Variants in POU2F2 observed in about 807,000 individuals in gnomAD.
The protein encoded by POU2F2 is POU domain, class 2, transcription factor 2.
In POU2F2, 14 loss-of-function variants were observed where a neutral mutation model predicts 63.5. The observed-to-expected ratio is 0.22, with a 90% CI of 0.15 to 0.34. The LOEUF (loss-of-function observed/expected upper bound fraction) is 0.34. Ranked by LOEUF, POU2F2 falls within the 10% of genes least tolerant of loss-of-function variation. The pLI, the probability that POU2F2 is intolerant of heterozygous loss-of-function variation, is 1.00. For synonymous variants in POU2F2, 306 were observed against 348.6 expected (o/e 0.88, Z 1.36); for missense variants, 607 against 815.2 (o/e 0.74, Z 3.11).
At chr19:42,124,497 T>C (rs1286378318) in intron 1 of POU2F2, among the ~76,000 whole-genome samples, 1 of 151,996 alleles carries the variant, frequency 6.6e-6, no homozygotes, top group African/African-American at 2.4e-5. Context: ...GGAGTGTAAA[T>C]TGATACAAGC....
At chr19:42,188,063 AT>A (rs1461421163) in intron 1 of POU2F2, among the ~76,000 whole-genome samples, 2 of 152,042 alleles carry the variant, frequency 1.3e-5, no homozygotes, top group African/African-American at 4.8e-5. Context: ...TACTTCTGAG[AT>A]TAGGTTATAA....
At chr19:42,148,565 G>C (rs1306726221) in intron 2 of POU2F2, among the ~76,000 whole-genome samples, 1 of 152,084 alleles carries the variant, frequency 6.6e-6, no homozygotes, top group Non-Finnish European at 1.5e-5. Flanking sequence ...GGAGGTGACT[G>C]GTCCTAGGTG....
intron 2 of POU2F2, among the ~76,000 whole-genome samples, chr19:42,138,847 T>A (rs2034070952): frequency 1.3e-5 from 2 of 152,148 alleles, no homozygotes; most frequent in South Asian, 2.1e-4. Flanking sequence ...GGAAGCAGCA[T>A]CTTCCAAGAA....
intron 2 of POU2F2, among the ~76,000 whole-genome samples, chr19:42,142,964 A>G (rs538417224): frequency 2.6e-4 from 39 of 152,210 alleles, no homozygotes; most frequent in Non-Finnish European, 4.7e-4. Context: ...AGTTACCTCC[A>G]GCAGAGAGGA....
rs1436064025 is a variant in POU2F2 at position 42,153,951 on chromosome 19, C to T, written c.-9+6381G>A. Among the ~76,000 whole-genome samples, 3 of 152,168 alleles carry T rather than the reference C, an allele frequency of 2.0e-5. No homozygotes were observed. The highest frequency in any genetic ancestry group is 2.9e-5 in the Non-Finnish European group (2 of 68,020). The stretch of plus-strand genomic sequence containing the variant: ...CTTCCCTGCCAGAGACCCCAGACCC[C>T]TGCCAGGATGGGCCCAGGCCCCCGT... On this transcript the variant is annotated intron_variant, in intron 2 of 6. Coordinates refer to the POU2F2 transcript ENST00000524801. The surrounding 1 kb of genome is among the most constrained non-coding windows in gnomAD (Gnocchi z 5.6).
chr19:42,194,633 C>T (rs902928104), intron 1 of POU2F2, among the ~76,000 whole-genome samples: 3 of 151,442 alleles, frequency 2.0e-5, no homozygotes, highest in Admixed American at 6.6e-5. Flanking sequence ...GTGGCACATG[C>T]CTGTAATCCC....
At position 42,117,677 on chromosome 19, in the gene POU2F2, G is replaced by A. The variant is rs768123651; in HGVS notation, c.187-245C>T. On this transcript the variant is annotated intron_variant, in intron 4 of 14. Transcript: ENST00000692977. This position sits in a 1 kb window ranked among gnomAD's most constrained non-coding sequence, Gnocchi z 4.4. ...TCCCCTCCTGAGAGTCAGTTTTCCT[G>A]TCTGTAAAATGGAAAAGAGTGGCTG... Among the ~76,000 whole-genome samples the A allele has an allele frequency of 2.3e-4, 35 of 152,132 alleles. No individual in the cohort carries two copies. The highest frequency in any genetic ancestry group is 3.3e-4 in the Admixed American group (5 of 15,270).
chr19:42,145,686 G>C (rs971427573), intron 2 of POU2F2, among the ~76,000 whole-genome samples: 5 of 152,194 alleles, frequency 3.3e-5, no homozygotes, highest in East Asian at 3.8e-4. Flanking sequence ...TGTAATCCCA[G>C]CACTCTGGGA....
intron 7 of POU2F2, among the ~76,000 whole-genome samples, chr19:42,098,828 T>G (rs1354690062): frequency 2.0e-5 from 3 of 152,168 alleles, no homozygotes; most frequent in African/African-American, 4.8e-5. Context: ...ATCATTAAAG[T>G]CTAGAACTCA....
At position 42,122,915 on chromosome 19, in the gene POU2F2, G is replaced by A. The variant is rs545868230; in HGVS notation, c.29-339C>T. 3.3e-5 allele frequency among the ~76,000 whole-genome samples: 5 copies of A among 152,310 alleles called. No homozygotes were observed. The East Asian group carries it at 9.6e-4, about 29-fold the overall frequency. The stretch of plus-strand genomic sequence containing the variant: ...ATCAGCTGCCCAGGAGGAGGCTGGT[G>A]ACGTCCCAAAGGAGGGAGAGCAGCC... On this transcript the variant is annotated intron_variant, in intron 1 of 14. Coordinates refer to ENST00000692977, the MANE Select transcript of POU2F2 (RefSeq NM_001394376.1).
chr19:42,105,427 A>C (rs1382202596), intron 5 of POU2F2, among the ~76,000 whole-genome samples: 1 of 152,104 alleles, frequency 6.6e-6, no homozygotes, highest in Non-Finnish European at 1.5e-5. Context: ...ACTAGAAATC[A>C]AGTCTTATTA....
At chr19:42,122,471 C>T (rs374436568) in intron 2 of POU2F2, 40 bp downstream of exon 2, 1 of 1,607,222 alleles carries the variant, frequency 6.2e-7, no homozygotes, top group East Asian at 2.2e-5. Context: ...ACTTCCCCTG[C>T]CCACGGTGAC....
intron 1 of POU2F2, 67 bp downstream of exon 1, chr19:42,132,317 G>T: frequency 1.3e-6 from 2 of 1,550,770 alleles, no homozygotes; most frequent in South Asian, 2.3e-5. Flanking sequence ...GGCAGGCAGG[G>T]CCCGCAGAGC....
intron 1 of POU2F2, among the ~76,000 whole-genome samples, chr19:42,184,324 G>T (rs554865543): frequency 1.3e-5 from 2 of 152,254 alleles, no homozygotes; most frequent in South Asian, 4.1e-4. Flanking sequence ...CCTCCTGTCT[G>T]CCCCACAGAA....
Position 42,139,252 on chromosome 19 carries a change from G to A in POU2F2, c.-8-16676C>T, listed in dbSNP as rs2034080457. 4.6e-5 allele frequency among the ~76,000 whole-genome samples: 7 copies of A among 152,146 alleles called. No homozygotes were observed. In the Middle Eastern group the frequency reaches 0.014, roughly 296 times the overall value. ...GGAAAATCGCTTGAACCCAGGAGGC[G>A]GAGGTTGCAGTGAGCTGAGATCACA... On this transcript the variant is annotated intron_variant, in intron 2 of 6. Coordinates refer to the POU2F2 transcript ENST00000524801.
rs768706853 is a variant in POU2F2 at position 42,096,427 on chromosome 19, T to A, written c.568-184A>T. On this transcript the variant is annotated intron_variant, in intron 7 of 14. Coordinates refer to ENST00000692977, the MANE Select transcript of POU2F2 (RefSeq NM_001394376.1). The surrounding 1 kb of genome is among the most constrained non-coding windows in gnomAD (Gnocchi z 4.1). Reference sequence around the variant, plus strand: ...AAGGTCCCTCCACATGCACTGTTAATCCCTTTAAAGGTCCGACTCTGCTGC... The same window carrying A: ...AAGGTCCCTCCACATGCACTGTTAAACCCTTTAAAGGTCCGACTCTGCTGC... 2.6e-4 allele frequency among the ~76,000 whole-genome samples: 39 copies of A among 152,188 alleles called. No individual in the cohort carries two copies. Among genetic ancestry groups the A allele is most frequent in the Non-Finnish European group, 4.6e-4 (31 of 68,030 alleles).
upstream of POU2F2, chr19:42,133,351 C>G (rs1374091453): frequency 1.3e-5 from 2 of 152,250 alleles, no homozygotes; most frequent in Non-Finnish European, 2.9e-5. The surrounding 1 kb of genome is among the most constrained non-coding windows in gnomAD (Gnocchi z 5.1). Context: ...CACCTCCGCT[C>G]GCACACCTGC....
chr19:42,105,039 T>TACCCCCAGCC (rs2077284515), intron 5 of POU2F2, among the ~76,000 whole-genome samples: 1 of 152,090 alleles, frequency 6.6e-6, no homozygotes, highest in African/African-American at 2.4e-5. Context: ...CTTTCCCAGC[T>TACCCCCAGCC]ACCCCCAGCC....
Position 42,092,798 on chromosome 19 carries a change from CATAAA to C in POU2F2, c.1265-533_1265-529del, listed in dbSNP as rs2076771083. 6.6e-6 allele frequency among the ~76,000 whole-genome samples: 1 copy of C among 152,002 alleles called. No homozygotes were observed. Among genetic ancestry groups the C allele is most frequent in the Non-Finnish European group, 1.5e-5 (1 of 68,002 alleles). On this transcript the variant is annotated intron_variant, in intron 12 of 14. Transcript: ENST00000692977. The surrounding 1 kb of genome is among the most constrained non-coding windows in gnomAD (Gnocchi z 5.0). The stretch of plus-strand genomic sequence containing the variant: ...ATGGGGATAATAATAGACCCTATCT[CATAAA>C]ATGAGTTTGAGAATTAAGTCAGTCA...
Sources: gnomAD v4.1 joint callset for allele counts (sites outside exome capture counted in the v4.1 genomes callset) on GRCh38, gnomAD v4.1.1 for gene constraint, Gnocchi (gnomAD v3.1) non-coding constraint, MANE v1.5 for transcripts, NCBI Gene and HGNC (gene_info 2026-07-23, HGNC 2026-07-21) for gene names.